PDZD4: variants seen among roughly 807,000 people sequenced by gnomAD.
The protein encoded by PDZD4 is PDZ domain-containing protein 4.
PDZD4 carries 9 observed loss-of-function variants against 38.5 expected under a neutral mutation model. The ratio of observed to expected loss-of-function variants is 0.23; its 90% CI spans 0.14 to 0.41. PDZD4 has a LOEUF of 0.41. PDZD4 is among the 10% of genes least tolerant of loss of function. The probability of loss-of-function intolerance (pLI) is 1.00; values close to 1 mark genes in which losing one functional copy is unlikely to be tolerated. For missense variants in PDZD4, 612 were observed against 722.0 expected (o/e 0.85, Z 1.75); for synonymous variants, 349 against 315.7 (o/e 1.11, Z -1.12).
intron 1 of PDZD4, among the ~76,000 whole-genome samples, chrX:153,809,306 G>A (rs1177057074): frequency 8.9e-6 from 1 of 112,956 alleles, no homozygotes; most frequent in Non-Finnish European, 1.9e-5. Flanking sequence ...CCACCACTAG[G>A]CCGGGTGCGG....
chrX:153,822,623 T>TTCTC (rs372129887), intron 1 of PDZD4, among the ~76,000 whole-genome samples: 13 of 89,845 alleles, frequency 1.4e-4, no homozygotes, highest in African/African-American at 5.4e-4. Context: ...TGTTTTTTCT[T>TTCTC]TCTCTCTCTC....
intron 1 of PDZD4, among the ~76,000 whole-genome samples, chrX:153,814,488 C>CG (rs375422196): frequency 1.2e-5 from 1 of 85,828 alleles, no homozygotes; most frequent in Non-Finnish European, 2.3e-5. Context: ...CCACCCCCCC[C>CG]CCAAAAAAAA....
chrX:153,829,939 A>C, intron 1 of PDZD4: 1 of 809,680 alleles, frequency 1.2e-6, no homozygotes, highest in Non-Finnish European at 1.5e-6. Context: ...TCCTGCGGGG[A>C]GAGCGTGTGC....
Position 153,830,231 on chromosome X carries a change from G to T in PDZD4, c.60+8C>A, listed in dbSNP as rs1427724632. On this transcript the variant is annotated splice_region_variant and intron_variant, in intron 1 of 7. Coordinates refer to ENST00000393758, the MANE Select transcript of PDZD4 (RefSeq NM_001303512.2). ...GCCGCGCCCCCGCCGCAGCGCCGGCGGCCCTACCTGCAGCATCACTTTGTA... is the reference window on the plus strand; with the variant it reads ...GCCGCGCCCCCGCCGCAGCGCCGGCTGCCCTACCTGCAGCATCACTTTGTA... The T allele has an allele frequency of 3.4e-6, 4 of 1,190,589 alleles. No individual in the cohort carries two copies. In the African/African-American group the frequency reaches 7.3e-5, roughly 22 times the overall value.
intron 1 of PDZD4, among the ~76,000 whole-genome samples, chrX:153,814,480 A>C (rs868941088): frequency 0.18 from 9,417 of 52,099 alleles, 3 homozygotes; most frequent in Non-Finnish European, 0.19. Flanking sequence ...TCCACCCCCC[A>C]CCCCCCCCCC....
rs377747096 is a variant in PDZD4 at position 153,806,157 on chromosome X, G to C, written c.505-24C>G. On this transcript the variant is annotated intron_variant, in intron 4 of 7. Transcript: ENST00000393758. Reference sequence around the variant, plus strand: ...ACCTGCAGGACACACGCATCTTGGGGACTTGGTGCCTAACATGCCCTTTCG... The same window carrying C: ...ACCTGCAGGACACACGCATCTTGGGCACTTGGTGCCTAACATGCCCTTTCG... 1.3e-4 allele frequency: 156 copies of C among 1,205,888 alleles called. 1 individual carries two copies. In the African/African-American group the frequency reaches 2.6e-3, roughly 20 times the overall value.
chrX:153,803,017 GGT>G lies in PDZD4; in HGVS notation c.*334_*335del, dbSNP rs782153581. Reference sequence around the variant, plus strand: ...CACGGGTCGGGTGGAGAGAGCACTGGGTGTGTGTGTGCGTGCACGTGCAAGCA... The same window carrying G: ...CACGGGTCGGGTGGAGAGAGCACTGGGTGTGTGTGCGTGCACGTGCAAGCA... On this transcript the variant is annotated 3_prime_UTR_variant, in exon 8 of 8. Transcript: ENST00000393758. 3.4e-5 allele frequency: 6 copies of G among 178,169 alleles called. No individual in the cohort carries two copies. Among genetic ancestry groups the G allele is most frequent in the East Asian group, 3.1e-4 (3 of 9,533 alleles). 14.7% of individuals were successfully genotyped at this position (178,169 alleles called of 1,213,427 possible). A position where few individuals can be genotyped will look rare whatever the true frequency, so the allele number is the denominator to read the frequency against.
At chrX:153,826,829 C>A (rs1439069758) in intron 1 of PDZD4, among the ~76,000 whole-genome samples, 1 of 111,827 alleles carries the variant, frequency 8.9e-6, no homozygotes, top group Non-Finnish European at 1.9e-5. Context: ...AACAAAAGTG[C>A]AAAACATCAT....
At chrX:153,812,625 T>C (rs782488478) in intron 1 of PDZD4, among the ~76,000 whole-genome samples, 2 of 110,384 alleles carry the variant, frequency 1.8e-5, no homozygotes, top group Non-Finnish European at 3.8e-5. Context: ...CTCTCTCTCC[T>C]CCTCATCGGT....
intron 1 of PDZD4, among the ~76,000 whole-genome samples, chrX:153,827,604 G>A (rs1557082810): frequency 8.9e-6 from 1 of 112,611 alleles, no homozygotes. Flanking sequence ...ATGAAAGCCA[G>A]ACACAAAAGG....
At position 153,806,063 on chromosome X, in the gene PDZD4, G is replaced by C. The variant is rs782362510; in HGVS notation, c.567+8C>G. ...CTTGGGCCAGGCCTGCAGCCTGCAA[G>C]TGCTCACCTGGATGATGCGGTCTCC... is the stretch of plus-strand genomic sequence containing the variant. On this transcript the variant is annotated splice_region_variant and intron_variant, in intron 5 of 7. Transcript: ENST00000393758. 3.3e-5 allele frequency: 40 copies of C among 1,211,689 alleles called. No homozygotes were observed. The highest frequency in any genetic ancestry group is 4.1e-5 in the Non-Finnish European group (37 of 895,364).
chrX:153,821,012 GAATT>G (rs2064417835), intron 1 of PDZD4, among the ~76,000 whole-genome samples: 1 of 112,632 alleles, frequency 8.9e-6, no homozygotes, highest in South Asian at 3.6e-4. Context: ...ATTTTTGCCT[GAATT>G]AATTACTGCA....
intron 1 of PDZD4, chrX:153,829,602 A>G (rs1912234684): frequency 2.1e-6 from 1 of 487,259 alleles, no homozygotes; most frequent in Non-Finnish European, 2.5e-6. Flanking sequence ...GCTGGGCTCC[A>G]GGTCCGAGCT....
At chrX:153,812,707 AATATGGGGCCATGAGCAAAG>A (rs1557079015) in intron 1 of PDZD4, among the ~76,000 whole-genome samples, 1 of 111,236 alleles carries the variant, frequency 9.0e-6, no homozygotes. Flanking sequence ...AAGGTGGGAA[AATATGGGGCCATGAGCAAAG>A]AGGTATAGGG....
In PDZD4 at chrX:153,803,918, T is replaced by C. The variant is rs1015669881; in HGVS notation, c.1763A>G (p.His588Arg). The C allele has an allele frequency of 3.4e-6, 4 of 1,178,411 alleles. No individual in the cohort carries two copies. The highest frequency in any genetic ancestry group is 3.4e-6 in the Non-Finnish European group (3 of 880,855). ...CGTCGGGGCCAGCTGCACGCAGCTG[T>C]GGTAGTGCTCGCCCTCCTGGCCCTG... ...RGQGQEGEHY[H>R]SCVQLAPTRG... Residue 588 changes from histidine (H) to arginine (R), a missense_variant, in exon 8 of 8, where the codon CAC (histidine) becomes CGC (arginine). Transcript: ENST00000393758.
intron 1 of PDZD4, chrX:153,830,033 G>A: frequency 1.6e-6 from 1 of 621,803 alleles, no homozygotes. Flanking sequence ...CCCCACCCGG[G>A]CCAACCCCAA....
chrX:153,804,527 C>T lies in PDZD4; in HGVS notation c.1154G>A (p.Arg385Gln), dbSNP rs1280291881. 5 of 1,208,253 alleles carry T rather than the reference C, an allele frequency of 4.1e-6. No homozygotes were observed. The highest frequency in any genetic ancestry group is 2.2e-5 in the Admixed American group (1 of 45,934). Residue 385 changes from arginine to glutamine, a missense_variant, in exon 8 of 8, where the codon CGG becomes CAG. Transcript: ENST00000393758. ...NGNQLGLLFP[R>Q]ASGGNSALDV... Reference sequence around the variant, plus strand: ...CAGGGCGCTGTTGCCTCCGGAGGCCCGGGGAAAGAGGAGGCCCAGCTGGTT... The same window carrying T: ...CAGGGCGCTGTTGCCTCCGGAGGCCTGGGGAAAGAGGAGGCCCAGCTGGTT...
intron 1 of PDZD4, among the ~76,000 whole-genome samples, chrX:153,824,461 T>C (rs1557082053): frequency 9.0e-6 from 1 of 111,251 alleles, no homozygotes; most frequent in African/African-American, 3.3e-5. Context: ...GCTGGCAGCA[T>C]CTGGTGCTGG....
chrX:153,826,902 C>T (rs1557082654), intron 1 of PDZD4, among the ~76,000 whole-genome samples: 1 of 112,036 alleles, frequency 8.9e-6, no homozygotes, highest in Non-Finnish European at 1.9e-5. Flanking sequence ...CAATACTACC[C>T]AAATTGATCC....
Sources: gnomAD v4.1 joint callset for allele counts (sites outside exome capture counted in the v4.1 genomes callset) on GRCh38, gnomAD v4.1.1 for gene constraint, MANE v1.5 for transcripts, NCBI Gene and HGNC (gene_info 2026-07-23, HGNC 2026-07-21) for gene names.